The following LITAF variants were observed in gnomAD, a reference collection of about 807,000 sequenced individuals.
LITAF encodes lipopolysaccharide-induced tumor necrosis factor-alpha factor.
In LITAF, 9 loss-of-function variants were observed where a neutral mutation model predicts 14.5. The observed-to-expected ratio is 0.62, with a 90% CI of 0.37 to 1.08. The LOEUF is 1.08. LITAF is among the 50% of genes least tolerant of loss of function. LITAF has a pLI of 0.01. For missense variants in LITAF, 206 were observed against 213.4 expected, an observed-to-expected ratio of 0.97 and a Z score of 0.22; for synonymous variants, 98 against 88.2, an observed-to-expected ratio of 1.11 and a Z score of -0.62.
intron 3 of LITAF, among the ~76,000 whole-genome samples, chr16:11,627,089 C>T (rs975520557): frequency 6.6e-6 from 1 of 152,162 alleles, no homozygotes; most frequent in Non-Finnish European, 1.5e-5. Context: ...GCAGACGCGT[C>T]CCTCCTTCCT....
chr16:11,598,684 C>T (rs536961882), upstream of LITAF, among the ~76,000 whole-genome samples: 2 of 152,110 alleles, frequency 1.3e-5, no homozygotes, highest in African/African-American at 4.8e-5. Context: ...TGGTCTCTTT[C>T]GCAGCGGCCA....
intron 1 of LITAF, among the ~76,000 whole-genome samples, chr16:11,560,582 C>CAAA (rs57634636): frequency 1.7e-5 from 2 of 118,960 alleles, no homozygotes; most frequent in African/African-American, 3.5e-5. Flanking sequence ...GATTCCATCT[C>CAAA]AAAAAAAAAA....
chr16:11,580,309 G>A (rs750203812), intron 1 of LITAF, among the ~76,000 whole-genome samples: 12 of 151,522 alleles, frequency 7.9e-5, no homozygotes, highest in Non-Finnish European at 1.5e-4. Flanking sequence ...CCAGGCTGGC[G>A]TACAGTGGTG....
At chr16:11,572,046 G>A (rs1227589605) in intron 1 of LITAF, among the ~76,000 whole-genome samples, 4 of 151,974 alleles carry the variant, frequency 2.6e-5, no homozygotes, top group Non-Finnish European at 2.9e-5. Context: ...CTGTGATCAC[G>A]CCACTGCACT....
chr16:11,624,424 G>A (rs1289653616), intron 3 of LITAF, among the ~76,000 whole-genome samples: 3 of 152,182 alleles, frequency 2.0e-5, no homozygotes, highest in African/African-American at 7.2e-5. Context: ...CCTCCCTGGA[G>A]TCTGAGACTG....
intron 3 of LITAF, among the ~76,000 whole-genome samples, chr16:11,616,469 C>A (rs1438603125): frequency 1.3e-5 from 2 of 149,986 alleles, no homozygotes; most frequent in East Asian, 2.0e-4. Flanking sequence ...CAGGGTGAGA[C>A]CCTGTCTCAA....
chr16:11,565,468 G>A (rs2064437337), intron 1 of LITAF, among the ~76,000 whole-genome samples: 2 of 151,642 alleles, frequency 1.3e-5, no homozygotes, highest in Non-Finnish European at 2.9e-5. Flanking sequence ...GGGAGGTGCG[G>A]GGAGGAGACA....
upstream of LITAF, among the ~76,000 whole-genome samples, chr16:11,639,995 G>A (rs1242528048): frequency 2.0e-5 from 3 of 152,182 alleles, 1 homozygote; most frequent in Middle Eastern, 6.3e-3. Flanking sequence ...GGCTGGTCTT[G>A]AACTCCTGGC....
intron 2 of LITAF, among the ~76,000 whole-genome samples, chr16:11,635,154 CCT>C (rs1232937713): frequency 2.6e-5 from 4 of 152,214 alleles, no homozygotes; most frequent in South Asian, 4.1e-4. Flanking sequence ...TGCAAATTCC[CCT>C]GTCATGATAA....
chr16:11,638,103 T>TAG (rs2065149978), upstream of LITAF, among the ~76,000 whole-genome samples: 3 of 129,880 alleles, frequency 2.3e-5, no homozygotes, highest in East Asian at 2.2e-4. Flanking sequence ...TATCTATATA[T>TAG]ATATATCTAT....
chr16:11,576,255 G>A (rs912089937), intron 1 of LITAF, among the ~76,000 whole-genome samples: 9 of 152,054 alleles, frequency 5.9e-5, no homozygotes, highest in Admixed American at 2.0e-4. Context: ...AATCACTTGA[G>A]GTCAGGAGTT....
chr16:11,595,707 C>T (rs1489823702), intron 1 of LITAF, among the ~76,000 whole-genome samples: 2 of 151,992 alleles, frequency 1.3e-5, no homozygotes, highest in Non-Finnish European at 2.9e-5. Flanking sequence ...CCAGCCTGGG[C>T]GACAGAGTGA....
At chr16:11,601,452 G>A (rs2064925863), upstream of LITAF, among the ~76,000 whole-genome samples, 1 of 152,150 alleles carries the variant, frequency 6.6e-6, no homozygotes, top group Non-Finnish European at 1.5e-5. Context: ...CCAGGGTAAG[G>A]TTAGCTACTT....
At chr16:11,570,029 C>CAAAAA (rs61431032) in intron 1 of LITAF, among the ~76,000 whole-genome samples, 8 of 122,830 alleles carry the variant, frequency 6.5e-5, no homozygotes, top group African/African-American at 1.8e-4. Flanking sequence ...GACTTTGCCT[C>CAAAAA]AAAAAAAAAA....
intron 1 of LITAF, among the ~76,000 whole-genome samples, chr16:11,593,247 T>A (rs1401606774): frequency 6.7e-6 from 1 of 150,056 alleles, no homozygotes; most frequent in African/African-American, 2.5e-5. Context: ...ACCCAACTAC[T>A]CGGGAGGCTG....
chr16:11,600,028 C>A (rs981039890), upstream of LITAF, among the ~76,000 whole-genome samples: 1 of 152,158 alleles, frequency 6.6e-6, no homozygotes, highest in Admixed American at 6.5e-5. This position sits in a 1 kb window ranked among gnomAD's most constrained non-coding sequence, Gnocchi z 4.1. Flanking sequence ...ACAGGTCTCA[C>A]TCTGTCTCCC....
chr16:11,621,571 C>A (rs1417445073), intron 3 of LITAF, among the ~76,000 whole-genome samples: 1 of 152,132 alleles, frequency 6.6e-6, no homozygotes, highest in Non-Finnish European at 1.5e-5. Context: ...TATTAACCCC[C>A]CTCAGAAGCA....
intron 3 of LITAF, among the ~76,000 whole-genome samples, chr16:11,630,241 C>T (rs1431149928): frequency 6.6e-6 from 1 of 152,132 alleles, no homozygotes; most frequent in Non-Finnish European, 1.5e-5. Flanking sequence ...TGGAAAAGTA[C>T]CCCCAGCTGG....
chr16:11,632,820 T>C lies in LITAF; in HGVS notation c.85+713A>G, dbSNP rs2065124331. Among the ~76,000 whole-genome samples the C allele has an allele frequency of 6.6e-6, 1 of 151,704 alleles. No homozygotes were observed. The highest frequency in any genetic ancestry group is 2.4e-5 in the African/African-American group (1 of 40,968). On this transcript the variant is annotated intron_variant, in intron 3 of 3. Coordinates refer to the LITAF transcript ENST00000574848. The surrounding 1 kb of genome is among the most constrained non-coding windows in gnomAD (Gnocchi z 4.8). The stretch of plus-strand genomic sequence containing the variant: ...TCAGAGTTTTCCGTGTGCCGCCTCC[T>C]CGTCCTTCTTCTTCTGCCGAATGCC...
Sources: gnomAD v4.1 joint callset for allele counts (sites outside exome capture counted in the v4.1 genomes callset) on GRCh38, gnomAD v4.1.1 for gene constraint, Gnocchi (gnomAD v3.1) non-coding constraint, MANE v1.5 for transcripts, NCBI Gene and HGNC (gene_info 2026-07-23, HGNC 2026-07-21) for gene names.